FOXO1: variants seen among roughly 807,000 people sequenced by gnomAD.
FOXO1 encodes forkhead box protein O1.
FOXO1 carries 6 observed loss-of-function variants against 44.1 expected under a neutral mutation model. The observed-to-expected ratio is 0.14, with a 90% CI of 0.07 to 0.27. The LOEUF (loss-of-function observed/expected upper bound fraction) is 0.27, where lower values mean the gene tolerates loss of function less well. FOXO1 is among the 10% of genes least tolerant of loss of function. The pLI is 1.00. For missense variants in FOXO1, 737 were observed against 888.8 expected, an observed-to-expected ratio of 0.83 and a Z score of 2.17; for synonymous variants, 380 against 362.7, an observed-to-expected ratio of 1.05 and a Z score of -0.54.
chr13:40,638,598 A>C, intron 1 of FOXO1, among the ~76,000 whole-genome samples: 1 of 152,192 alleles, frequency 6.6e-6, no homozygotes, highest in South Asian at 2.1e-4. Flanking sequence ...GGGGGGAATC[A>C]AAGGAAACAG....
chr13:40,640,661 C>T (rs1303457230), intron 1 of FOXO1, among the ~76,000 whole-genome samples: 3 of 150,792 alleles, frequency 2.0e-5, no homozygotes, highest in Non-Finnish European at 2.9e-5. Flanking sequence ...TTTTTGTCCT[C>T]GTCCCTTAAC....
chr13:40,649,281 G>A (rs1877603292), intron 1 of FOXO1, among the ~76,000 whole-genome samples: 3 of 152,148 alleles, frequency 2.0e-5, no homozygotes, highest in Admixed American at 1.3e-4. Flanking sequence ...ACAATCTGAA[G>A]TGTTTTAAGT....
chr13:40,605,963 A>G (rs771982175), intron 1 of FOXO1, among the ~76,000 whole-genome samples: 2 of 152,198 alleles, frequency 1.3e-5, no homozygotes, highest in African/African-American at 2.4e-5. Flanking sequence ...AATAATGCAA[A>G]TATCAACTAA....
intron 1 of FOXO1, among the ~76,000 whole-genome samples, chr13:40,580,039 G>A (rs1874900569): frequency 6.6e-6 from 1 of 152,170 alleles, no homozygotes; most frequent in African/African-American, 2.4e-5. Context: ...TCCAGGTGGT[G>A]AATATAATGG....
intron 1 of FOXO1, among the ~76,000 whole-genome samples, chr13:40,581,739 A>G (rs534933692): frequency 6.6e-6 from 1 of 152,334 alleles, no homozygotes; most frequent in Admixed American, 6.5e-5. Flanking sequence ...GTATGGGGCC[A>G]TATCTGGTCA....
Position 40,620,336 on chromosome 13 carries a change from T to C in FOXO1, c.630+45247A>G. 3 of 780,054 alleles carry C rather than the reference T, an allele frequency of 3.8e-6. No individual in the cohort carries two copies. The South Asian group carries it at 4.3e-5, about 11-fold the overall frequency. 48.3% of individuals were successfully genotyped at this position (780,054 alleles called of 1,614,324 possible). On this transcript the variant is annotated intron_variant, in intron 1 of 2. Coordinates refer to ENST00000379561, the MANE Select transcript of FOXO1 (RefSeq NM_002015.4). ...AACATACAGTCACTATTCAAAGCAA[T>C]AGTGGGGGCTTCTGCCGAATCATTT...
At chr13:40,601,017 G>A (rs1412681360) in intron 1 of FOXO1, among the ~76,000 whole-genome samples, 3 of 152,140 alleles carry the variant, frequency 2.0e-5, no homozygotes, top group Admixed American at 2.0e-4. Context: ...GGAAACATGA[G>A]TCTGGGCTAT....
chr13:40,600,879 T>G (rs1728477328), intron 1 of FOXO1, among the ~76,000 whole-genome samples: 1 of 152,182 alleles, frequency 6.6e-6, no homozygotes, highest in South Asian at 2.1e-4. Flanking sequence ...TTCCTAATCA[T>G]CATAAATCTT....
chr13:40,631,487 T>C (rs1168077481), intron 1 of FOXO1, among the ~76,000 whole-genome samples: 1 of 152,196 alleles, frequency 6.6e-6, no homozygotes, highest in Non-Finnish European at 1.5e-5. Flanking sequence ...AAGAACATTT[T>C]TGCTTCAAAG....
chr13:40,564,073 G>C (rs1425551020), intron 1 of FOXO1, among the ~76,000 whole-genome samples: 1 of 152,222 alleles, frequency 6.6e-6, no homozygotes, highest in Non-Finnish European at 1.5e-5. Flanking sequence ...GGGGAAGAAA[G>C]ATCTTCCCAG....
chr13:40,664,956 G>A (rs1250912532), intron 1 of FOXO1, among the ~76,000 whole-genome samples: 1 of 151,876 alleles, frequency 6.6e-6, no homozygotes, highest in Non-Finnish European at 1.5e-5. Context: ...CTCGGGCTCG[G>A]GACGCCGGGC....
At chr13:40,602,289 T>C (rs933148969) in intron 1 of FOXO1, among the ~76,000 whole-genome samples, 2 of 152,188 alleles carry the variant, frequency 1.3e-5, no homozygotes, top group African/African-American at 4.8e-5. Context: ...GCATTTAAAT[T>C]AGTCATTTGC....
At chr13:40,659,602 T>G (rs1345127723) in intron 1 of FOXO1, among the ~76,000 whole-genome samples, 1 of 152,186 alleles carries the variant, frequency 6.6e-6, no homozygotes, top group Non-Finnish European at 1.5e-5. Context: ...TTTTTAGTAG[T>G]ATTTGACTTA....
At chr13:40,619,851 A>C in intron 1 of FOXO1, 1 of 755,168 alleles carries the variant, frequency 1.3e-6, no homozygotes, top group Non-Finnish European at 2.5e-6. Flanking sequence ...AACTCAGGCA[A>C]AGGGAGGCAC....
At chr13:40,613,228 G>C (rs1350313102) in intron 1 of FOXO1, among the ~76,000 whole-genome samples, 1 of 152,114 alleles carries the variant, frequency 6.6e-6, no homozygotes, top group Non-Finnish European at 1.5e-5. Context: ...GTGTGTTGGA[G>C]GGCAGGGTCT....
chr13:40,634,913 T>C (rs1593408965), intron 1 of FOXO1, among the ~76,000 whole-genome samples: 1 of 152,100 alleles, frequency 6.6e-6, no homozygotes, highest in Admixed American at 6.6e-5. Context: ...CCTGACCTCA[T>C]GGATCCACCC....
intron 1 of FOXO1, among the ~76,000 whole-genome samples, chr13:40,618,069 C>T (rs1324073460): frequency 6.6e-6 from 1 of 152,144 alleles, no homozygotes; most frequent in Non-Finnish European, 1.5e-5. Flanking sequence ...TACTGCAAGA[C>T]CTGAAAACTT....
At chr13:40,647,451 C>T (rs1354963247) in intron 1 of FOXO1, among the ~76,000 whole-genome samples, 2 of 152,100 alleles carry the variant, frequency 1.3e-5, no homozygotes, top group Non-Finnish European at 2.9e-5. Context: ...GTCACCTAGG[C>T]GGGAGTGCAG....
At chr13:40,653,728 G>A (rs9577091) in intron 1 of FOXO1, among the ~76,000 whole-genome samples, 63,031 of 151,868 alleles carry the variant, frequency 0.42, 14,364 homozygotes, top group East Asian at 0.75. Flanking sequence ...AGGTTCACTT[G>A]GCTACTTTCA....
Sources: gnomAD v4.1 joint callset for allele counts (sites outside exome capture counted in the v4.1 genomes callset) on GRCh38, gnomAD v4.1.1 for gene constraint, MANE v1.5 for transcripts, NCBI Gene and HGNC (gene_info 2026-07-23, HGNC 2026-07-21) for gene names.